ZMPSTE24: variants seen among roughly 807,000 people sequenced by gnomAD.
The protein encoded by ZMPSTE24 is zinc metallopeptidase STE24.
Under a neutral mutation model 56.7 loss-of-function variants are expected in ZMPSTE24, and 48 were observed. That is an observed-to-expected ratio of 0.85 (90% CI 0.67 to 1.08). The LOEUF is 1.08. Among genes scored for constraint, ZMPSTE24 ranks in the 50% least tolerant of loss-of-function variants. The pLI is 0.00. For missense variants in ZMPSTE24, 503 were observed against 548.7 expected, an observed-to-expected ratio of 0.92 and a Z score of 0.83; for synonymous variants, 172 against 195.2, an observed-to-expected ratio of 0.88 and a Z score of 0.99.
chr1:40,270,569 T>G (rs1643604260), intron 5 of ZMPSTE24, among the ~76,000 whole-genome samples: 1 of 152,170 alleles, frequency 6.6e-6, no homozygotes, highest in African/African-American at 2.4e-5. Flanking sequence ...TGCCTTTCCC[T>G]TCCACGTTAG....
intron 5 of ZMPSTE24, among the ~76,000 whole-genome samples, chr1:40,270,638 T>G (rs1056769733): frequency 6.6e-6 from 1 of 152,074 alleles, no homozygotes; most frequent in African/African-American, 2.4e-5. Context: ...TTTTACCCAT[T>G]CTTCTTCCTT....
chr1:40,259,671 C>T (rs557999893), intron 1 of ZMPSTE24: 17 of 152,396 alleles, frequency 1.1e-4, no homozygotes, highest in Admixed American at 7.8e-4. Context: ...GTAGCATCAT[C>T]ATAGCTCAAG....
At chr1:40,276,519 G>A (rs150444242) in intron 6 of ZMPSTE24, among the ~76,000 whole-genome samples, 3 of 152,276 alleles carry the variant, frequency 2.0e-5, no homozygotes, top group African/African-American at 7.2e-5. Context: ...TTAAGAGGAA[G>A]CATTCTAAAC....
chr1:40,275,436 A>C (rs1360584583), intron 6 of ZMPSTE24, among the ~76,000 whole-genome samples: 2 of 151,412 alleles, frequency 1.3e-5, no homozygotes, highest in Non-Finnish European at 2.9e-5. Context: ...TCTGTCTCAA[A>C]AAACAAACAA....
At chr1:40,291,059 T>A in intron 9 of ZMPSTE24, 62 bp downstream of exon 9, 1 of 1,589,172 alleles carries the variant, frequency 6.3e-7, no homozygotes. Flanking sequence ...TCTAGAGCTT[T>A]CAGGATAGTG....
chr1:40,284,538 A>C (rs1026306056), intron 7 of ZMPSTE24, among the ~76,000 whole-genome samples: 5 of 151,816 alleles, frequency 3.3e-5, no homozygotes, highest in African/African-American at 1.2e-4. Context: ...GATCACCTGC[A>C]GTCAGGAGTT....
At chr1:40,289,647 A>G (rs953710790) in intron 8 of ZMPSTE24, among the ~76,000 whole-genome samples, 2 of 152,166 alleles carry the variant, frequency 1.3e-5, no homozygotes, top group East Asian at 3.9e-4. Flanking sequence ...AATAAGGTAC[A>G]TGTGGCCTCC....
Position 40,279,809 on chromosome 1 carries a change from G to T in ZMPSTE24, c.770-1534G>T, listed in dbSNP as rs181440376. ...CTGTGCATACTTCTCAGATGTAATGGTTTTGCCAGGATTCAGAAAGCTATA... is the reference window on the plus strand; with the variant it reads ...CTGTGCATACTTCTCAGATGTAATGTTTTTGCCAGGATTCAGAAAGCTATA... On this transcript the variant is annotated intron_variant, in intron 6 of 9. Transcript: ENST00000372759. Among the ~76,000 whole-genome samples the T allele has an allele frequency of 2.1e-3, 321 of 152,254 alleles. 1 individual carries two copies. Among genetic ancestry groups the T allele is most frequent in the African/African-American group, 7.2e-3 (297 of 41,534 alleles).
chr1:40,266,733 C>T (rs1336004692), intron 2 of ZMPSTE24, among the ~76,000 whole-genome samples: 1 of 147,274 alleles, frequency 6.8e-6, no homozygotes, highest in Non-Finnish European at 1.5e-5. Flanking sequence ...CCATTTCTAT[C>T]ACTCATTAGC....
Position 40,292,957 on chromosome 1 carries a change from T to C in ZMPSTE24, c.*288T>C. On this transcript the variant is annotated 3_prime_UTR_variant, in exon 10 of 10. Coordinates refer to ENST00000372759, the MANE Select transcript of ZMPSTE24 (RefSeq NM_005857.5). ...GGAAAAATACAGAACTCGTTTTATT[T>C]GTATACTTATATGGAATCTGCATGT... 1 of 344,744 alleles carries C rather than the reference T, an allele frequency of 2.9e-6. No individual in the cohort carries two copies. The highest frequency in any genetic ancestry group is 7.4e-5 in the East Asian group (1 of 13,522). 21.4% of individuals were successfully genotyped at this position (344,744 alleles called of 1,614,324 possible).
intron 6 of ZMPSTE24, among the ~76,000 whole-genome samples, chr1:40,272,409 G>C (rs1040187006): frequency 6.6e-6 from 1 of 152,148 alleles, no homozygotes; most frequent in African/African-American, 2.4e-5. Flanking sequence ...TTGGACTCTT[G>C]AATAGTCAAA....
At chr1:40,287,811 A>G (rs1643802567) in intron 8 of ZMPSTE24, among the ~76,000 whole-genome samples, 1 of 152,192 alleles carries the variant, frequency 6.6e-6, no homozygotes, top group Non-Finnish European at 1.5e-5. Context: ...GTGAAAAAGC[A>G]CTATATCATG....
chr1:40,281,844 T>G (rs1187617128), intron 7 of ZMPSTE24, among the ~76,000 whole-genome samples: 1 of 152,090 alleles, frequency 6.6e-6, no homozygotes, highest in Non-Finnish European at 1.5e-5. Context: ...TATATATAAT[T>G]TCTTATGTGT....
intron 1 of ZMPSTE24, among the ~76,000 whole-genome samples, chr1:40,259,122 C>T (rs1643469570): frequency 1.3e-5 from 2 of 152,096 alleles, no homozygotes; most frequent in South Asian, 4.1e-4. Flanking sequence ...TGTGCCACTG[C>T]ACTCCAGCCT....
rs1341624549 is a variant in ZMPSTE24 at position 40,270,073 on chromosome 1, T to C, written c.573T>C (p.Ile191=). The change falls in exon 5 of 10, where the codon ATT becomes ATC. Residue 191 remains isoleucine (I), a synonymous_variant. Coordinates refer to ENST00000372759, the MANE Select transcript of ZMPSTE24 (RefSeq NM_005857.5). ...CACTTCTACTTTACATTATTAAAATTGGGGGTGACTATTTTTTTATTTATG... is the reference window on the plus strand; with the variant it reads ...CACTTCTACTTTACATTATTAAAATCGGGGGTGACTATTTTTTTATTTATG... ...VSSLLLYIIK[I]GGDYFFIYAW... is the part of the protein sequence containing the mutation. 7.4e-6 allele frequency: 12 copies of C among 1,613,794 alleles called. No homozygotes were observed. Among genetic ancestry groups the C allele is most frequent in the Non-Finnish European group, 1.0e-5 (12 of 1,179,940 alleles).
At chr1:40,287,585 G>C (rs1200791626) in intron 8 of ZMPSTE24, among the ~76,000 whole-genome samples, 1 of 151,316 alleles carries the variant, frequency 6.6e-6, no homozygotes, top group Non-Finnish European at 1.5e-5. Context: ...TGAGGCAGGA[G>C]AATTGCTTGA....
Position 40,293,918 on chromosome 1 carries a change from C to T in ZMPSTE24, c.*1249C>T, listed in dbSNP as rs1223809582. The T allele has an allele frequency of 6.6e-6, 1 of 152,418 alleles. No individual in the cohort carries two copies. The allele number at this position is 152,418 out of a possible 1,614,324, so 9.4% of individuals were successfully genotyped here. On this transcript the variant is annotated 3_prime_UTR_variant, in exon 10 of 10. Coordinates refer to ENST00000372759, the MANE Select transcript of ZMPSTE24 (RefSeq NM_005857.5). ...TTCCAAAGTGGGATCAACTGTACGC[C>T]TTTGGTATCTGACCATAAAGTCTTT...
In ZMPSTE24 at chr1:40,292,678, G is replaced by C. The variant is rs1477342233; in HGVS notation, c.*9G>C. 6.2e-7 allele frequency: 1 copy of C among 1,609,474 alleles called. No individual in the cohort carries two copies. Among genetic ancestry groups the C allele is most frequent in the Non-Finnish European group, 8.5e-7 (1 of 1,176,090 alleles). ...CTATGAAGCAACACTGAGATGTCCA[G>C]GATCTGTGACTGAAGACATTTCTGA... On this transcript the variant is annotated 3_prime_UTR_variant, in exon 10 of 10. Coordinates refer to ENST00000372759, the MANE Select transcript of ZMPSTE24 (RefSeq NM_005857.5).
At chr1:40,269,576 C>T (rs1643592465) in intron 4 of ZMPSTE24, among the ~76,000 whole-genome samples, 1 of 152,092 alleles carries the variant, frequency 6.6e-6, no homozygotes, top group South Asian at 2.1e-4. Context: ...CCTCCCACCT[C>T]AGCCTGCCTA....
Sources: gnomAD v4.1 joint callset for allele counts (sites outside exome capture counted in the v4.1 genomes callset) on GRCh38, gnomAD v4.1.1 for gene constraint, MANE v1.5 for transcripts, NCBI Gene and HGNC (gene_info 2026-07-23, HGNC 2026-07-21) for gene names.